PPP5C: variants seen among roughly 807,000 people sequenced by gnomAD.
The protein encoded by PPP5C is serine/threonine-protein phosphatase 5.
Under a neutral mutation model 66.7 loss-of-function variants are expected in PPP5C, and 21 were observed. That is an observed-to-expected ratio of 0.31 (90% confidence interval 0.22 to 0.45). PPP5C has a LOEUF of 0.45. PPP5C is among the 20% of genes least tolerant of loss of function. The pLI, the probability that PPP5C is intolerant of heterozygous loss-of-function variation, is 1.00. For synonymous variants in PPP5C, 246 were observed against 257.4 expected, an observed-to-expected ratio of 0.96 and a Z score of 0.43; for missense variants, 464 against 675.9, an observed-to-expected ratio of 0.69 and a Z score of 3.48.
At chr19:46,349,522 G>A (rs1474607829) in intron 1 of PPP5C, among the ~76,000 whole-genome samples, 4 of 152,112 alleles carry the variant, frequency 2.6e-5, no homozygotes, top group African/African-American at 9.7e-5. Context: ...GGTGGGAGCC[G>A]TGAGAGGGAG....
At chr19:46,355,282 G>C (rs8111784) in intron 2 of PPP5C, among the ~76,000 whole-genome samples, 46,098 of 109,130 alleles carry the variant, frequency 0.42, 7,109 homozygotes, top group South Asian at 0.62. Context: ...CCTGCCCCCC[G>C]ACACAGACAC....
rs1409235984 is a variant in PPP5C at position 46,384,924 on chromosome 19, G to A, written c.904+15G>A. ...CCTCCTTCGAGGTGAGCTGGGAAGT[G>A]ACAAGGTTTGGGTTCATTGTGGGGT... is the stretch of plus-strand genomic sequence containing the variant. On this transcript the variant is annotated intron_variant, in intron 7 of 12. Transcript: ENST00000012443. 6.3e-7 allele frequency: 1 copy of A among 1,599,594 alleles called. No individual in the cohort carries two copies. Among genetic ancestry groups the A allele is most frequent in the Non-Finnish European group, 8.6e-7 (1 of 1,166,988 alleles).
At position 46,388,998 on chromosome 19, in the gene PPP5C, A is replaced by G. The variant is rs2147407921; in HGVS notation, c.1355+267A>G. Among the ~76,000 whole-genome samples, 2 of 152,176 alleles carry G rather than the reference A, an allele frequency of 1.3e-5. 1 individual carries two copies. Among genetic ancestry groups the G allele is most frequent in the South Asian group, 4.2e-4 (2 of 4,808 alleles). On this transcript the variant is annotated intron_variant, in intron 11 of 12. Coordinates refer to ENST00000012443, the MANE Select transcript of PPP5C (RefSeq NM_006247.4). This position sits in a 1 kb window ranked among gnomAD's most constrained non-coding sequence, Gnocchi z 4.9. ...CCCAGCACTTTTCAGAAGGAAAGGG[A>G]TCTTTTTCTTAACCACAATATCGTG...
intron 1 of PPP5C, among the ~76,000 whole-genome samples, chr19:46,348,966 C>T (rs1972135554): frequency 6.6e-6 from 1 of 151,856 alleles, no homozygotes; most frequent in African/African-American, 2.4e-5. Context: ...GGTGATGCAG[C>T]CAGGAGGTGC....
At position 46,383,797 on chromosome 19, in the gene PPP5C, A is replaced by G. The variant is rs1438756919; in HGVS notation, c.717A>G (p.Val239=). Reference sequence around the variant, plus strand: ...TCTTTCAGACAGAGAAGATTACAGTATGTGGGGACACCCATGGCCAGTTCT... The same window carrying G: ...TCTTTCAGACAGAGAAGATTACAGTGTGTGGGGACACCCATGGCCAGTTCT... ...TTLKETEKIT[V]CGDTHGQFYD... The change falls in exon 6 of 13, where the codon GTA becomes GTG. Residue 239 remains valine, a synonymous_variant. Coordinates refer to ENST00000012443, the MANE Select transcript of PPP5C (RefSeq NM_006247.4). The surrounding 1 kb of genome is among the most constrained non-coding windows in gnomAD (Gnocchi z 5.0). The G allele has an allele frequency of 1.2e-6, 2 of 1,613,482 alleles. No homozygotes were observed. The highest frequency in any genetic ancestry group is 1.1e-5 in the South Asian group (1 of 91,052).
rs759023277 is a variant in PPP5C, at chr19:46,383,759, C to T, written c.700-21C>T. ...GTCTCTCTCTCGGCCCGTCCCTCTC[C>T]GGTGGCCTCTTTTCTTTCAGACAGA... On this transcript the variant is annotated intron_variant, in intron 5 of 12. Coordinates refer to ENST00000012443, the MANE Select transcript of PPP5C (RefSeq NM_006247.4). This position sits in a 1 kb window ranked among gnomAD's most constrained non-coding sequence, Gnocchi z 5.0. The T allele has an allele frequency of 1.6e-5, 25 of 1,591,066 alleles. No homozygotes were observed. Among genetic ancestry groups the T allele is most frequent in the South Asian group, 5.5e-5 (5 of 90,578 alleles).
At position 46,347,141 on chromosome 19, in the gene PPP5C, C is replaced by A. The variant is rs946853359; in HGVS notation, c.45C>A (p.Pro15=). The change falls in exon 1 of 13, where the codon CCC becomes CCA. Residue 15 remains proline, a synonymous_variant. Transcript: ENST00000012443. The part of the protein sequence containing the change: ...EGERTECAEP[P]RDEPPADGAL... ...AGAGGACTGAGTGTGCTGAGCCCCCCCGGGACGAACCCCCGGCTGATGGAG... is the reference window on the plus strand; with the variant it reads ...AGAGGACTGAGTGTGCTGAGCCCCCACGGGACGAACCCCCGGCTGATGGAG... 3.7e-5 allele frequency: 60 copies of A among 1,605,076 alleles called. No homozygotes were observed. Among genetic ancestry groups the A allele is most frequent in the Non-Finnish European group, 4.9e-5 (58 of 1,176,128 alleles).
At chr19:46,371,311 C>A (rs888690990) in intron 2 of PPP5C, among the ~76,000 whole-genome samples, 1 of 152,088 alleles carries the variant, frequency 6.6e-6, no homozygotes, top group Non-Finnish European at 1.5e-5. Context: ...GCCTTGCAAG[C>A]GGATACTAGT....
Position 46,383,735 on chromosome 19 carries a change from T to G in PPP5C, c.700-45T>G. ...CCCTCACCTCTGCCCCCTCCCCACGTCTCTCTCTCGGCCCGTCCCTCTCCG... is the reference window on the plus strand; with the variant it reads ...CCCTCACCTCTGCCCCCTCCCCACGGCTCTCTCTCGGCCCGTCCCTCTCCG... On this transcript the variant is annotated intron_variant, in intron 5 of 12. Transcript: ENST00000012443. The surrounding 1 kb of genome is among the most constrained non-coding windows in gnomAD (Gnocchi z 5.0). 6.7e-7 allele frequency: 1 copy of G among 1,483,652 alleles called. No individual in the cohort carries two copies. The highest frequency in any genetic ancestry group is 9.4e-7 in the Non-Finnish European group (1 of 1,062,772). 91.9% of individuals were successfully genotyped at this position (1,483,652 alleles called of 1,614,324 possible). A position where few individuals can be genotyped will look rare whatever the true frequency, so the allele number is the denominator to read the frequency against.
Position 46,387,183 on chromosome 19 carries a change from G to A in PPP5C, c.995G>A (p.Ser332Asn). 1 of 1,614,270 alleles carries A rather than the reference G, an allele frequency of 6.2e-7. No individual in the cohort carries two copies. The highest frequency in any genetic ancestry group is 8.5e-7 in the Non-Finnish European group (1 of 1,180,050). Residue 332 changes from serine (S) to asparagine (N), a missense_variant, in exon 8 of 13, where the codon AGC becomes AAC. Ser to Asn is a conservative substitution (Grantham distance 46). Around this residue, in one of 2 missense-constraint regions of PPP5C, gnomAD observed 387 missense variants for 626.0 expected, o/e 0.62. Transcript: ENST00000012443. ...ACAGCCCAGATGTACGAGCTCTTTA[G>A]CGAGGTGTTCGAGTGGCTCCCGTTG... ...KYTAQMYELF[S>N]EVFEWLPLAQ...
intron 4 of PPP5C, among the ~76,000 whole-genome samples, chr19:46,378,042 A>G (rs992649980): frequency 1.3e-5 from 2 of 152,170 alleles, no homozygotes. Context: ...ATTATTCTCT[A>G]TGCATGCTTG....
chr19:46,347,443 TGAG>T (rs1407487896), intron 1 of PPP5C, among the ~76,000 whole-genome samples: 3 of 151,808 alleles, frequency 2.0e-5, no homozygotes, highest in African/African-American at 4.8e-5. Flanking sequence ...GTGGAGAGAC[TGAG>T]GAGGGCGCCA....
Position 46,390,900 on chromosome 19 carries a change from C to T in PPP5C, c.*554C>T, listed in dbSNP as rs1031241613. 2 of 1,169,550 alleles carry T rather than the reference C, an allele frequency of 1.7e-6. No individual in the cohort carries two copies. Among genetic ancestry groups the T allele is most frequent in the Non-Finnish European group, 2.2e-6 (2 of 929,066 alleles). The allele number at this position is 1,169,550 out of a possible 1,614,324, so 72.4% of individuals were successfully genotyped here. A position where few individuals can be genotyped will look rare whatever the true frequency, so the allele number is the denominator to read the frequency against. ...CGAAGGAGCTGCCCGGGTTGGGTTA[C>T]GCCTGCTCAGGAGATCCGGAGGGTG... On this transcript the variant is annotated 3_prime_UTR_variant, in exon 13 of 13. Transcript: ENST00000012443.
At chr19:46,369,585 T>C (rs1193259357) in intron 2 of PPP5C, among the ~76,000 whole-genome samples, 2 of 149,028 alleles carry the variant, frequency 1.3e-5, no homozygotes, top group African/African-American at 5.0e-5. Context: ...TGAGCGGACA[T>C]TGCGCCACTG....
chr19:46,354,742 AGCTAT>A (rs1236435064), intron 2 of PPP5C, among the ~76,000 whole-genome samples: 1 of 151,862 alleles, frequency 6.6e-6, no homozygotes, highest in Non-Finnish European at 1.5e-5. Context: ...GGCCGCAGTG[AGCTAT>A]GCTCTCACCA....
chr19:46,358,445 A>G (rs1038144256), intron 2 of PPP5C, among the ~76,000 whole-genome samples: 1 of 152,214 alleles, frequency 6.6e-6, no homozygotes, highest in African/African-American at 2.4e-5. Context: ...ATAAGAGACA[A>G]TGTCACCCTT....
Position 46,353,849 on chromosome 19 carries a change from A to G in PPP5C, c.223A>G (p.Thr75Ala), listed in dbSNP as rs1972235836. The stretch of plus-strand genomic sequence containing the variant: ...CAACCGCAGCCTGGCCTACCTGCGC[A>G]CTGAGTGCTATGGCTACGCGCTGGG... ...YGNRSLAYLRTECYGYALGDA... is the reference protein window; with the variant it reads ...YGNRSLAYLRAECYGYALGDA... The change falls in exon 2 of 13, where the codon ACT becomes GCT. Residue 75 changes from threonine to alanine, a missense_variant. Thr to Ala is a moderately conservative substitution (Grantham distance 58). Around this residue, in one of 2 missense-constraint regions of PPP5C, gnomAD observed 387 missense variants for 626.0 expected, o/e 0.62. Transcript: ENST00000012443. The G allele has an allele frequency of 6.2e-7, 1 of 1,611,610 alleles. No homozygotes were observed. Among genetic ancestry groups the G allele is most frequent in the South Asian group, 1.1e-5 (1 of 90,622 alleles).
intron 2 of PPP5C, among the ~76,000 whole-genome samples, chr19:46,373,651 G>T (rs181911108): frequency 1.3e-5 from 2 of 152,144 alleles, no homozygotes; most frequent in East Asian, 1.9e-4. Context: ...TTGGAGAAAG[G>T]GGGGAAGGGA....
intron 1 of PPP5C, among the ~76,000 whole-genome samples, chr19:46,352,609 A>G (rs1463209211): frequency 6.6e-6 from 1 of 152,138 alleles, no homozygotes; most frequent in Non-Finnish European, 1.5e-5. Context: ...TCACGAGGTC[A>G]GGAGATCGAG....
Sources: gnomAD v4.1 joint callset for allele counts (sites outside exome capture counted in the v4.1 genomes callset) on GRCh38, gnomAD v4.1.1 for gene constraint, gnomAD v4.1.1 regional missense constraint, Gnocchi (gnomAD v3.1) non-coding constraint, MANE v1.5 for transcripts, NCBI Gene and HGNC (gene_info 2026-07-23, HGNC 2026-07-21) for gene names.